Variants in OAF observed in about 807,000 individuals in gnomAD.
OAF encodes out at first protein homolog.
A neutral mutation model predicts 22.5 loss-of-function variants in OAF; 13 were observed. That is an observed-to-expected ratio of 0.58 (90% confidence interval 0.38 to 0.92). The LOEUF (loss-of-function observed/expected upper bound fraction) is 0.92. Ranked by LOEUF, OAF falls within the 40% of genes least tolerant of loss-of-function variation. The pLI, the probability that OAF is intolerant of heterozygous loss-of-function variation, is 0.00. For synonymous variants in OAF, 175 were observed against 170.5 expected, an observed-to-expected ratio of 1.03 and a Z score of -0.21; for missense variants, 347 against 381.8, an observed-to-expected ratio of 0.91 and a Z score of 0.76.
At chr11:120,223,832 G>C (rs1455590217) in intron 1 of OAF, among the ~76,000 whole-genome samples, 1 of 152,198 alleles carries the variant, frequency 6.6e-6, no homozygotes, top group Non-Finnish European at 1.5e-5. Flanking sequence ...AGTGGTTTTT[G>C]GATCCTTCCT....
At chr11:120,223,976 G>A (rs774926974) in intron 1 of OAF, among the ~76,000 whole-genome samples, 3 of 152,180 alleles carry the variant, frequency 2.0e-5, no homozygotes, top group Non-Finnish European at 2.9e-5. Flanking sequence ...CTCCTCAGCC[G>A]ACCTGAGTGA....
intron 1 of OAF, among the ~76,000 whole-genome samples, chr11:120,220,159 A>G (rs1244573196): frequency 4.6e-5 from 7 of 152,124 alleles, no homozygotes; most frequent in Non-Finnish European, 1.0e-4. Flanking sequence ...GCACTCTCAC[A>G]ACCTCAGGCA....
chr11:120,218,312 C>T (rs1249789193), intron 1 of OAF, among the ~76,000 whole-genome samples: 4 of 152,160 alleles, frequency 2.6e-5, no homozygotes, highest in African/African-American at 7.2e-5. Flanking sequence ...GCACTGGCCT[C>T]GGGATGTGCG....
rs933626271 is a variant in OAF, at chr11:120,228,618, G to A, written c.548-250G>A. Among the ~76,000 whole-genome samples the A allele has an allele frequency of 7.2e-5, 11 of 152,166 alleles. No individual in the cohort carries two copies. In the South Asian group the frequency reaches 2.1e-3, roughly 29 times the overall value. On this transcript the variant is annotated intron_variant, in intron 3 of 3. Transcript: ENST00000328965. ...GATGGAGGTACTGTAAGTAGAGCCC[G>A]TAGCACACAGTTGATGCCATAGAGG...
Position 120,230,169 on chromosome 11 carries a change from A to AT in OAF, c.*1027_*1028insT, listed in dbSNP as rs1938418668. 2.0e-5 allele frequency: 3 copies of AT among 152,244 alleles called. No homozygotes were observed. The highest frequency in any genetic ancestry group is 4.4e-5 in the Non-Finnish European group (3 of 68,046). 9.4% of individuals were successfully genotyped at this position (152,244 alleles called of 1,614,324 possible). On this transcript the variant is annotated 3_prime_UTR_variant, in exon 4 of 4. Coordinates refer to ENST00000328965, the MANE Select transcript of OAF (RefSeq NM_178507.4). ...ATGAGACAGACATAGCTGCAACCGT[A>AT]GTAAGCCAGTCAGAAATAGCCAGCG...
At chr11:120,213,131 T>TG (rs935303944) in intron 1 of OAF, among the ~76,000 whole-genome samples, 3 of 152,074 alleles carry the variant, frequency 2.0e-5, no homozygotes, top group Non-Finnish European at 4.4e-5. Flanking sequence ...TCCCTGGCTG[T>TG]GGCCAGGACA....
intron 1 of OAF, among the ~76,000 whole-genome samples, chr11:120,215,199 A>AAATAAAC (rs1216134756): frequency 1.3e-5 from 2 of 152,184 alleles, no homozygotes; most frequent in Admixed American, 1.3e-4. Flanking sequence ...AAAAAATAAA[A>AAATAAAC]AAAAATTAGC....
rs3740735 is a variant in OAF at position 120,225,556 on chromosome 11, C to T, written c.232-105C>T. The T allele has an allele frequency of 2.5e-4, 238 of 970,578 alleles. 2 individuals are homozygous for T. The East Asian group carries it at 5.9e-3, about 24-fold the overall frequency. The allele number at this position is 970,578 out of a possible 1,614,324, so 60.1% of individuals were successfully genotyped here. On this transcript the variant is annotated intron_variant, in intron 1 of 3. Transcript: ENST00000328965. The stretch of plus-strand genomic sequence containing the variant: ...CAGCAGGAGGGAGGTGTCTGTTGCC[C>T]GGCAGTGTCCAGGCATCCTGTTCAG...
chr11:120,227,354 C>T (rs189537495), intron 3 of OAF, among the ~76,000 whole-genome samples: 4 of 152,200 alleles, frequency 2.6e-5, no homozygotes, highest in South Asian at 2.1e-4. Flanking sequence ...GATTATTCAG[C>T]GAGAAGATTC....
intron 1 of OAF, among the ~76,000 whole-genome samples, chr11:120,220,751 T>C (rs1246064212): frequency 1.3e-5 from 2 of 152,156 alleles, no homozygotes; most frequent in South Asian, 2.1e-4. Context: ...GGCCTAGGGG[T>C]GACACAGCAT....
At chr11:120,214,581 G>A (rs1352597039) in intron 1 of OAF, among the ~76,000 whole-genome samples, 1 of 152,102 alleles carries the variant, frequency 6.6e-6, no homozygotes, top group Non-Finnish European at 1.5e-5. Context: ...GTCCACCCAG[G>A]GCAGCAGTGA....
chr11:120,227,391 G>A (rs755485129), intron 3 of OAF, among the ~76,000 whole-genome samples: 1 of 152,088 alleles, frequency 6.6e-6, no homozygotes, highest in Non-Finnish European at 1.5e-5. Flanking sequence ...CCTGCTCCAG[G>A]CAGGGCACAC....
In OAF at chr11:120,211,446, G is replaced by T. The variant is rs1167686631; in HGVS notation, c.167G>T (p.Ser56Ile). Residue 56 changes from serine (S) to isoleucine (I), a missense_variant, in exon 1 of 4, where the codon AGC (serine) becomes ATC (isoleucine). By Grantham distance (142) the Ser-to-Ile change is moderately radical. Coordinates refer to ENST00000328965, the MANE Select transcript of OAF (RefSeq NM_178507.4). Reference sequence around the variant, plus strand: ...CTGCAGGCGGACAGCGACGCGGACAGCATCAGCCTCGAGCTGCGCAAGCCC... The same window carrying T: ...CTGCAGGCGGACAGCGACGCGGACATCATCAGCCTCGAGCTGCGCAAGCCC... ...ESLQADSDAD[S>I]ISLELRKPDG... is the part of the protein sequence containing the mutation. 4 of 1,564,376 alleles carry T rather than the reference G, an allele frequency of 2.6e-6. No individual in the cohort carries two copies. Among genetic ancestry groups the T allele is most frequent in the Non-Finnish European group, 8.6e-7 (1 of 1,157,944 alleles).
At chr11:120,214,379 A>T (rs1938185267) in intron 1 of OAF, among the ~76,000 whole-genome samples, 1 of 152,252 alleles carries the variant, frequency 6.6e-6, no homozygotes, top group Non-Finnish European at 1.5e-5. Context: ...ATTGTGGCTC[A>T]CACAGCATTT....
chr11:120,215,563 C>G (rs894777891), intron 1 of OAF, among the ~76,000 whole-genome samples: 1 of 152,210 alleles, frequency 6.6e-6, no homozygotes, highest in African/African-American at 2.4e-5. Flanking sequence ...AGTACACAAA[C>G]TAATTCACAG....
At chr11:120,225,004 G>A (rs1028730978) in intron 1 of OAF, among the ~76,000 whole-genome samples, 16 of 152,158 alleles carry the variant, frequency 1.1e-4, no homozygotes, top group African/African-American at 3.9e-4. Flanking sequence ...CTTGGACTGC[G>A]GCAATGCCAT....
intron 1 of OAF, among the ~76,000 whole-genome samples, chr11:120,223,464 ACT>A (rs1379971261): frequency 1.3e-5 from 2 of 151,888 alleles, no homozygotes; most frequent in East Asian, 1.9e-4. Flanking sequence ...AATTTCAGTA[ACT>A]CTTTTTCCTA....
rs925275859 is a variant in OAF at position 120,225,863 on chromosome 11, C to T, written c.366+68C>T. 16 of 1,434,734 alleles carry T rather than the reference C, an allele frequency of 1.1e-5. No individual in the cohort carries two copies. The African/African-American group carries it at 2.3e-4, about 21-fold the overall frequency. The allele number at this position is 1,434,734 out of a possible 1,614,324, so 88.9% of individuals were successfully genotyped here. A position where few individuals can be genotyped will look rare whatever the true frequency, so the allele number is the denominator to read the frequency against. ...CAGCAGACCCGGCCCAGATCCCATC[C>T]CGCAGACCCGGCCCAGATCCTGACC... On this transcript the variant is annotated intron_variant, in intron 2 of 3. Coordinates refer to ENST00000328965, the MANE Select transcript of OAF (RefSeq NM_178507.4).
Position 120,211,302 on chromosome 11 carries a change from T to C in OAF, c.23T>C (p.Leu8Pro). 4 of 1,291,088 alleles carry C rather than the reference T, an allele frequency of 3.1e-6. No homozygotes were observed. Among genetic ancestry groups the C allele is most frequent in the Non-Finnish European group, 3.9e-6 (4 of 1,019,420 alleles). The allele number at this position is 1,291,088 out of a possible 1,614,324, so 80.0% of individuals were successfully genotyped here. MRLPGVP[L>P]ARPALLLLLP... is the part of the protein sequence containing the mutation. ...GGGATGCGCCTTCCCGGGGTACCCC[T>C]GGCGCGCCCTGCGCTGCTGCTGCTG... Residue 8 changes from leucine to proline, a missense_variant, in exon 1 of 4, where the codon CTG becomes CCG. Coordinates refer to ENST00000328965, the MANE Select transcript of OAF (RefSeq NM_178507.4).
Sources: allele counts gnomAD v4.1 joint callset (sites outside exome capture counted in the v4.1 genomes callset), GRCh38; gene constraint gnomAD v4.1.1; transcripts MANE v1.5; gene names NCBI Gene and HGNC (gene_info 2026-07-23, HGNC 2026-07-21).